Variants in ANKRD18B observed in about 807,000 individuals in gnomAD.
ANKRD18B encodes ankyrin repeat domain 18B.
In ANKRD18B, 75 loss-of-function variants were observed where a neutral mutation model predicts 111.8. That is an observed-to-expected ratio of 0.67 (90% CI 0.56 to 0.81). The LOEUF (loss-of-function observed/expected upper bound fraction) is 0.81. ANKRD18B is among the 40% of genes least tolerant of loss of function. The pLI is 0.00. For synonymous variants in ANKRD18B, 356 were observed against 417.3 expected, an observed-to-expected ratio of 0.85 and a Z score of 1.79; for missense variants, 1,038 against 1,225.5, an observed-to-expected ratio of 0.85 and a Z score of 2.28.
chr9:33,549,870 C>G (rs1336192521), intron 11 of ANKRD18B, among the ~76,000 whole-genome samples: 1 of 152,090 alleles, frequency 6.6e-6, no homozygotes, highest in Non-Finnish European at 1.5e-5. Context: ...TCATAATTTA[C>G]ATTTTAAGTC....
chr9:33,566,302 G>A lies in ANKRD18B; in HGVS notation c.2544G>A (p.Glu848=), dbSNP rs574459570. 8 of 1,561,768 alleles carry A rather than the reference G, an allele frequency of 5.1e-6. No homozygotes were observed. In the South Asian group the frequency reaches 5.8e-5, roughly 11 times the overall value. ...LAKDNEVLHQ[E]LLSMGKVQEK... is the part of the protein sequence containing the mutation. ...AAGACAATGAAGTTCTTCATCAGGAGTTATTATCTATGGGAAAAGTACAAG... is the reference window on the plus strand; with the variant it reads ...AAGACAATGAAGTTCTTCATCAGGAATTATTATCTATGGGAAAAGTACAAG... Residue 848 remains glutamate, a synonymous_variant, in exon 15 of 19, where the codon GAG becomes GAA. Transcript: ENST00000684830.
chr9:33,542,779 A>G (rs1309106372), intron 9 of ANKRD18B, among the ~76,000 whole-genome samples: 1 of 152,220 alleles, frequency 6.6e-6, no homozygotes, highest in African/African-American at 2.4e-5. Flanking sequence ...AACAGTAACA[A>G]AAATTTTGCA....
At chr9:33,571,223 A>T (rs908333370) in intron 17 of ANKRD18B, 23 bp from the exon 18 acceptor site, 43 of 805,976 alleles carry the variant, frequency 5.3e-5, no homozygotes, top group African/African-American at 5.1e-4. Context: ...CATTATTATT[A>T]TTTTTTTTTT....
chr9:33,543,063 ATTAAGC>A (rs1238095426), intron 9 of ANKRD18B, 116 bp from the exon 10 acceptor site: 3 of 992,472 alleles, frequency 3.0e-6, no homozygotes, highest in Non-Finnish European at 4.4e-6. Flanking sequence ...TCCAGTAAAC[ATTAAGC>A]TTCATTTAAA....
intron 11 of ANKRD18B, 100 bp from the exon 12 acceptor site, chr9:33,550,330 G>A (rs1247735136): frequency 8.3e-6 from 10 of 1,197,926 alleles, no homozygotes; most frequent in Non-Finnish European, 1.1e-5. Context: ...GAATCTGTGT[G>A]TGTGGTAATA....
downstream of ANKRD18B, chr9:33,573,049 G>C (rs1828806730): frequency 6.3e-6 from 4 of 637,168 alleles, no homozygotes; most frequent in South Asian, 1.1e-4. Context: ...GATTAGGCCA[G>C]TGGTAGACAT....
At chr9:33,570,854 T>G (rs1238948695) in intron 17 of ANKRD18B, among the ~76,000 whole-genome samples, 1 of 152,126 alleles carries the variant, frequency 6.6e-6, no homozygotes, top group Non-Finnish European at 1.5e-5. Flanking sequence ...GCCAGGATGG[T>G]CGCGATCTCT....
chr9:33,547,925 T>G lies in ANKRD18B; in HGVS notation c.1150-13T>G. The G allele has an allele frequency of 7.2e-7, 1 of 1,398,418 alleles. No homozygotes were observed. The highest frequency in any genetic ancestry group is 1.8e-5 in the South Asian group (1 of 55,942). 86.6% of individuals were successfully genotyped at this position (1,398,418 alleles called of 1,614,324 possible). On this transcript the variant is annotated splice_polypyrimidine_tract_variant and intron_variant, in intron 10 of 18. Coordinates refer to ENST00000684830, the MANE Select transcript of ANKRD18B (RefSeq NM_001393611.1). ...TTTGAGTGCTAACTAAAAATTTGTT[T>G]TGTTTTATTTAGGATTCTCAAAGTT... is the stretch of plus-strand genomic sequence containing the variant.
At chr9:33,565,532 A>T (rs1015614863) in intron 14 of ANKRD18B, among the ~76,000 whole-genome samples, 1 of 152,208 alleles carries the variant, frequency 6.6e-6, no homozygotes, top group African/African-American at 2.4e-5. Context: ...TGATGTGGTC[A>T]TAATTCACTG....
At chr9:33,560,402 C>G (rs999361478) in intron 14 of ANKRD18B, among the ~76,000 whole-genome samples, 4 of 152,230 alleles carry the variant, frequency 2.6e-5, no homozygotes, top group African/African-American at 7.2e-5. Flanking sequence ...CTGCTGCTGG[C>G]ATGTCCAGGC....
chr9:33,531,509 T>C (rs1326770375), intron 3 of ANKRD18B, among the ~76,000 whole-genome samples: 1 of 150,834 alleles, frequency 6.6e-6, no homozygotes, highest in African/African-American at 2.4e-5. Context: ...AAGAAACAAA[T>C]CTGGTGTCCC....
chr9:33,535,982 C>T (rs556166696), intron 5 of ANKRD18B, among the ~76,000 whole-genome samples: 81 of 151,914 alleles, frequency 5.3e-4, no homozygotes, highest in African/African-American at 1.9e-3. Context: ...CATCAACTTC[C>T]ATCTCTTTCA....
chr9:33,573,856 T>C (rs2118163502), downstream of ANKRD18B, among the ~76,000 whole-genome samples: 2 of 145,296 alleles, frequency 1.4e-5, 1 homozygote. Flanking sequence ...GCCTCCTCAG[T>C]GAAGGCCTCA....
intron 16 of ANKRD18B, among the ~76,000 whole-genome samples, chr9:33,568,325 A>ATATGT: frequency 6.6e-6 from 1 of 152,332 alleles, no homozygotes; most frequent in East Asian, 1.9e-4. Flanking sequence ...TACCCTTTAA[A>ATATGT]TACAAGTATA....
intron 3 of ANKRD18B, among the ~76,000 whole-genome samples, chr9:33,532,798 T>C (rs1032883837): frequency 6.6e-6 from 1 of 152,150 alleles, no homozygotes; most frequent in Admixed American, 6.6e-5. Context: ...GGCAACTGTA[T>C]CCCTGAAACT....
In ANKRD18B at chr9:33,558,320, C is replaced by T. The variant is rs554571413; in HGVS notation, c.2460+133C>T. ...AATCCATCACCTAGGTATTAAGCCC[C>T]GTAGGCATTAGCTATTAATCTTGAT... On this transcript the variant is annotated intron_variant, in intron 14 of 18. Transcript: ENST00000684830. The T allele has an allele frequency of 1.2e-4, 122 of 1,021,686 alleles. No homozygotes were observed. In the East Asian group the frequency reaches 2.8e-3, roughly 23 times the overall value. The allele number at this position is 1,021,686 out of a possible 1,614,324, so 63.3% of individuals were successfully genotyped here. A position where few individuals can be genotyped will look rare whatever the true frequency, so the allele number is the denominator to read the frequency against.
chr9:33,548,830 A>G lies in ANKRD18B; in HGVS notation c.2042A>G (p.Tyr681Cys), dbSNP rs545003781. The G allele has an allele frequency of 5.3e-6, 8 of 1,496,170 alleles. No individual in the cohort carries two copies. Among genetic ancestry groups the G allele is most frequent in the Middle Eastern group, 1.9e-4 (1 of 5,388 alleles). 92.7% of individuals were successfully genotyped at this position (1,496,170 alleles called of 1,614,324 possible). Residue 681 changes from tyrosine (Y) to cysteine (C), a missense_variant, in exon 11 of 19, where the codon TAT (tyrosine) becomes TGT (cysteine). By Grantham distance (194) the Tyr-to-Cys change is radical. Coordinates refer to ENST00000684830, the MANE Select transcript of ANKRD18B (RefSeq NM_001393611.1). ...YNYLKEKLLQ[Y>C]EKEKAEREVI... ...TATTTAAAAGAAAAACTGCTTCAGT[A>G]TGAAAAAGAAAAAGCAGAAAGAGAA... is the stretch of plus-strand genomic sequence containing the variant.
At chr9:33,543,369 G>A in intron 10 of ANKRD18B, 114 bp downstream of exon 10, 1 of 823,372 alleles carries the variant, frequency 1.2e-6, no homozygotes, top group Non-Finnish European at 1.8e-6. Flanking sequence ...ATCCAACAGA[G>A]CATAATTTCA....
intron 14 of ANKRD18B, among the ~76,000 whole-genome samples, chr9:33,564,641 A>C (rs975444585): frequency 1.3e-5 from 2 of 152,194 alleles, no homozygotes; most frequent in African/African-American, 4.8e-5. Flanking sequence ...TAGTAGCTGC[A>C]CTAATTTACC....
Sources: gnomAD v4.1 joint callset for allele counts (sites outside exome capture counted in the v4.1 genomes callset) on GRCh38, gnomAD v4.1.1 for gene constraint, MANE v1.5 for transcripts, NCBI Gene and HGNC (gene_info 2026-07-23, HGNC 2026-07-21) for gene names.